NHEJ1: variants seen among roughly 807,000 people sequenced by gnomAD.
NHEJ1 encodes non-homologous end joining factor 1, also known as non-homologous end-joining factor 1.
NHEJ1 carries 22 observed loss-of-function variants against 39.4 expected under a neutral mutation model. That is an observed-to-expected ratio of 0.56 (90% CI 0.40 to 0.80). NHEJ1 has a LOEUF of 0.80. Ranked by LOEUF, NHEJ1 falls within the 30% of genes least tolerant of loss-of-function variation. The pLI, the probability that NHEJ1 is intolerant of heterozygous loss-of-function variation, is 0.00. For synonymous variants in NHEJ1, 154 were observed against 135.6 expected (o/e 1.14, Z -0.94); for missense variants, 329 against 357.1 (o/e 0.92, Z 0.63).
chr2:219,074,653 A>C lies in NHEJ1; in HGVS notation c.*1728T>G, dbSNP rs1244243656. On this transcript the variant is annotated 3_prime_UTR_variant, in exon 8 of 8. Transcript: ENST00000356853. ...GCTACTCGGGAGGCTGAGGCAGGAG[A>C]ATCACTTGAACACAGGAGGTGGAGT... Among the ~76,000 whole-genome samples, 1 of 151,970 alleles carries C rather than the reference A, an allele frequency of 6.6e-6. No individual in the cohort carries two copies. The highest frequency in any genetic ancestry group is 2.4e-5 in the African/African-American group (1 of 41,362).
intron 3 of NHEJ1, among the ~76,000 whole-genome samples, chr2:219,150,465 G>A (rs1949784244): frequency 6.6e-6 from 1 of 152,096 alleles, no homozygotes; most frequent in East Asian, 1.9e-4. Flanking sequence ...CAGAAGTTCA[G>A]CTTTGGAAAA....
intron 3 of NHEJ1, among the ~76,000 whole-genome samples, chr2:219,154,591 C>A (rs900075237): frequency 2.0e-5 from 3 of 152,118 alleles, no homozygotes; most frequent in Non-Finnish European, 4.4e-5. Flanking sequence ...TACATCCTTA[C>A]CCGTGTCCAC....
At chr2:219,091,060 C>T (rs1442776990) in intron 5 of NHEJ1, among the ~76,000 whole-genome samples, 1 of 152,138 alleles carries the variant, frequency 6.6e-6, no homozygotes, top group African/African-American at 2.4e-5. Context: ...GTGCCAGGCA[C>T]TGAAGTATGT....
At chr2:219,127,822 C>T (rs560683045) in intron 5 of NHEJ1, among the ~76,000 whole-genome samples, 89 of 152,330 alleles carry the variant, frequency 5.8e-4, no homozygotes, top group African/African-American at 2.1e-3. Context: ...GAATCAATCC[C>T]ATACAGGAAA....
At chr2:219,079,990 C>G (rs1451539687) in intron 5 of NHEJ1, among the ~76,000 whole-genome samples, 1 of 152,170 alleles carries the variant, frequency 6.6e-6, no homozygotes, top group African/African-American at 2.4e-5. Flanking sequence ...TTCCTCCTGC[C>G]CTTTCCATGG....
intron 5 of NHEJ1, among the ~76,000 whole-genome samples, chr2:219,119,300 T>C (rs1015829269): frequency 6.6e-6 from 1 of 152,074 alleles, no homozygotes; most frequent in Non-Finnish European, 1.5e-5. Flanking sequence ...AATGAGACAA[T>C]AGTGTAGAAA....
At chr2:219,088,092 C>G (rs1160922805) in intron 5 of NHEJ1, among the ~76,000 whole-genome samples, 1 of 152,164 alleles carries the variant, frequency 6.6e-6, no homozygotes. Context: ...GACAAAGACA[C>G]AGTACAACCA....
chr2:219,078,314 C>T, intron 5 of NHEJ1, 108 bp from the exon 6 acceptor site: 2 of 956,074 alleles, frequency 2.1e-6, no homozygotes, highest in Non-Finnish European at 3.4e-6. Flanking sequence ...TAATATAAAG[C>T]AGTTAGATCC....
intron 5 of NHEJ1, among the ~76,000 whole-genome samples, chr2:219,085,465 A>G (rs914697286): frequency 3.9e-5 from 6 of 152,196 alleles, no homozygotes; most frequent in Non-Finnish European, 8.8e-5. Flanking sequence ...GAAGGTCCGA[A>G]TGTGAAACTG....
chr2:219,154,741 G>A (rs1490855201), intron 3 of NHEJ1, among the ~76,000 whole-genome samples: 1 of 151,580 alleles, frequency 6.6e-6, no homozygotes, highest in Non-Finnish European at 1.5e-5. Context: ...TTCTTCCTAT[G>A]GCAAACCAAG....
chr2:219,104,199 G>A (rs1949293504), intron 5 of NHEJ1, among the ~76,000 whole-genome samples: 1 of 152,194 alleles, frequency 6.6e-6, no homozygotes, highest in Admixed American at 6.5e-5. Flanking sequence ...CTGGAGCTGT[G>A]CCATGCACAA....
intron 3 of NHEJ1, 27 bp downstream of exon 3, chr2:219,157,445 C>T (rs183632901): frequency 2.5e-4 from 402 of 1,599,132 alleles, no homozygotes; most frequent in African/African-American, 1.7e-3. Context: ...CATCCCTCCC[C>T]CAACCCCACA....
rs567527843 is a variant in NHEJ1 at position 219,075,143 on chromosome 2, T to C, written c.*1238A>G. On this transcript the variant is annotated 3_prime_UTR_variant, in exon 8 of 8. Coordinates refer to ENST00000356853, the MANE Select transcript of NHEJ1 (RefSeq NM_024782.3). ...TGTTAAGAACTCAGCTGTCTGGGCT[T>C]AAATTCTGGCTGTCACTTATTAGCT... 5.3e-5 allele frequency among the ~76,000 whole-genome samples: 8 copies of C among 152,318 alleles called. No individual in the cohort carries two copies. In the South Asian group the frequency reaches 1.5e-3, roughly 28 times the overall value.
At chr2:219,113,975 A>G (rs35580243) in intron 5 of NHEJ1, among the ~76,000 whole-genome samples, 1,807 of 152,302 alleles carry the variant, frequency 0.012, 11 homozygotes, top group Non-Finnish European at 0.017. Flanking sequence ...TCTCATCCAA[A>G]CAAAACCAAT....
At chr2:219,104,645 T>C (rs1456985815) in intron 5 of NHEJ1, among the ~76,000 whole-genome samples, 1 of 152,032 alleles carries the variant, frequency 6.6e-6, no homozygotes, top group Non-Finnish European at 1.5e-5. Flanking sequence ...TATACATAAA[T>C]AGACTCAAGA....
At chr2:219,135,109 C>A (rs367655961) in intron 5 of NHEJ1, among the ~76,000 whole-genome samples, 3 of 148,404 alleles carry the variant, frequency 2.0e-5, no homozygotes, top group African/African-American at 7.4e-5. Flanking sequence ...TAAATTAACT[C>A]TAATTATAAA....
intron 5 of NHEJ1, among the ~76,000 whole-genome samples, chr2:219,133,127 G>A (rs1949594558): frequency 6.6e-6 from 1 of 152,202 alleles, no homozygotes. Context: ...AAGGATGTCC[G>A]TGAATCCTGC....
chr2:219,132,550 T>C (rs1949588655), intron 5 of NHEJ1, among the ~76,000 whole-genome samples: 1 of 152,154 alleles, frequency 6.6e-6, no homozygotes, highest in Non-Finnish European at 1.5e-5. Context: ...ATCCATAGCA[T>C]CAGAATTGCT....
At chr2:219,078,743 C>T (rs1057057911) in intron 5 of NHEJ1, among the ~76,000 whole-genome samples, 3 of 152,140 alleles carry the variant, frequency 2.0e-5, no homozygotes, top group African/African-American at 7.2e-5. Flanking sequence ...TTTTCCATTC[C>T]CCACTGCTGT....
Sources: allele counts gnomAD v4.1 joint callset (sites outside exome capture counted in the v4.1 genomes callset), GRCh38; gene constraint gnomAD v4.1.1; transcripts MANE v1.5; gene names NCBI Gene and HGNC (gene_info 2026-07-23, HGNC 2026-07-21).